ROBO1: variants seen among roughly 807,000 people sequenced by gnomAD.
The protein encoded by ROBO1 is roundabout guidance receptor 1, also known as roundabout homolog 1.
In ROBO1, 149 loss-of-function variants were observed where a neutral mutation model predicts 195.9. The ratio of observed to expected loss-of-function variants is 0.76; its 90% CI spans 0.67 to 0.87. The LOEUF (loss-of-function observed/expected upper bound fraction) is 0.87. ROBO1 is among the 40% of genes least tolerant of loss of function. ROBO1 has a pLI of 0.00. For synonymous variants in ROBO1, 816 were observed against 733.2 expected (o/e 1.11, Z -1.82); for missense variants, 1,933 against 2,068.3 (o/e 0.93, Z 1.27).
intron 3 of ROBO1, among the ~76,000 whole-genome samples, chr3:79,035,414 C>T (rs563566606): frequency 5.9e-5 from 9 of 152,156 alleles, no homozygotes; most frequent in Non-Finnish European, 8.8e-5. Flanking sequence ...GAATTATTGA[C>T]GATATCCATG....
intron 1 of ROBO1, among the ~76,000 whole-genome samples, chr3:79,618,761 G>A (rs753349632): frequency 2.7e-4 from 41 of 152,236 alleles, no homozygotes; most frequent in South Asian, 1.9e-3. Context: ...ATCCACCTAC[G>A]ACCTCGGGTC....
intron 1 of ROBO1, among the ~76,000 whole-genome samples, chr3:79,705,090 T>C (rs1947728490): frequency 6.6e-6 from 1 of 152,002 alleles, no homozygotes; most frequent in South Asian, 2.1e-4. Flanking sequence ...ATAATCCTTT[T>C]CAGATTTTTT....
chr3:79,195,029 A>G (rs1191960731), intron 2 of ROBO1, among the ~76,000 whole-genome samples: 1 of 151,634 alleles, frequency 6.6e-6, no homozygotes, highest in Non-Finnish European at 1.5e-5. Flanking sequence ...CTGTTAACAC[A>G]TCAAAACAGT....
At chr3:79,535,804 G>A (rs895817251) in intron 2 of ROBO1, among the ~76,000 whole-genome samples, 1 of 151,992 alleles carries the variant, frequency 6.6e-6, no homozygotes, top group Non-Finnish European at 1.5e-5. Context: ...CGAGACCAGA[G>A]AAGCAGTCAC....
At chr3:78,682,513 CTG>C (rs1339217255) in intron 10 of ROBO1, among the ~76,000 whole-genome samples, 3 of 141,840 alleles carry the variant, frequency 2.1e-5, no homozygotes, top group Admixed American at 7.1e-5. Flanking sequence ...GTATATATGA[CTG>C]TGTATATATG....
intron 2 of ROBO1, among the ~76,000 whole-genome samples, chr3:79,333,005 C>T (rs1159739396): frequency 6.6e-6 from 1 of 151,904 alleles, no homozygotes; most frequent in Non-Finnish European, 1.5e-5. Flanking sequence ...AGTTCGAGAC[C>T]AGCCCGACCA....
chr3:78,981,826 A>ACAC (rs1559556530), intron 3 of ROBO1, among the ~76,000 whole-genome samples: 20 of 135,536 alleles, frequency 1.5e-4, no homozygotes, highest in African/African-American at 4.1e-4. Context: ...CACACACACA[A>ACAC]AAACACACCC....
At chr3:79,715,722 C>T (rs894906319) in intron 1 of ROBO1, among the ~76,000 whole-genome samples, 3 of 151,848 alleles carry the variant, frequency 2.0e-5, no homozygotes, top group African/African-American at 4.8e-5. Context: ...TGCTATGTGC[C>T]GTGTATTTGT....
Position 78,665,718 on chromosome 3 carries a change from C to T in ROBO1, c.1966+2165G>A, listed in dbSNP as rs74870029. 7.9e-5 allele frequency among the ~76,000 whole-genome samples: 12 copies of T among 152,078 alleles called. No individual in the cohort carries two copies. The East Asian group carries it at 1.4e-3, about 17-fold the overall frequency. On this transcript the variant is annotated intron_variant, in intron 14 of 30. Coordinates refer to ENST00000464233, the MANE Select transcript of ROBO1 (RefSeq NM_002941.4). ...GGTTAATGTATTCTTTGTCCAATCC[C>T]GAGGAATGGGTATGTTTAGCCCCAT... is the stretch of plus-strand genomic sequence containing the variant.
intron 5 of ROBO1, among the ~76,000 whole-genome samples, chr3:78,724,433 C>G (rs1204690408): frequency 6.8e-6 from 1 of 147,226 alleles, no homozygotes; most frequent in Non-Finnish European, 1.5e-5. Flanking sequence ...CCCAGCACTT[C>G]GGGAGGCAGA....
In ROBO1 at chr3:79,538,697, T is replaced by G. The variant is rs111467232; in HGVS notation, c.88+51127A>C. Among the ~76,000 whole-genome samples, 906 of 152,296 alleles carry G rather than the reference T, an allele frequency of 5.9e-3. 10 individuals are homozygous for G. The highest frequency in any genetic ancestry group is 0.021 in the African/African-American group (860 of 41,568). Reference sequence around the variant, plus strand: ...ACTGGAGACATTTATATGATTGTTTTCTATATTTTCCTACTGCTGTTTGGT... The same window carrying G: ...ACTGGAGACATTTATATGATTGTTTGCTATATTTTCCTACTGCTGTTTGGT... On this transcript the variant is annotated intron_variant, in intron 2 of 30. Transcript: ENST00000464233.
intron 3 of ROBO1, among the ~76,000 whole-genome samples, chr3:79,027,066 C>A (rs1026696310): frequency 2.0e-5 from 3 of 151,966 alleles, no homozygotes; most frequent in Non-Finnish European, 2.9e-5. Context: ...ATCAGTTAGA[C>A]AAATTAGCTA....
chr3:79,449,385 G>A, intron 2 of ROBO1, among the ~76,000 whole-genome samples: 1 of 151,444 alleles, frequency 6.6e-6, no homozygotes, highest in East Asian at 1.9e-4. Flanking sequence ...AAATAATTTG[G>A]CAGAAGAACA....
At chr3:79,047,136 G>C (rs567880169) in intron 3 of ROBO1, among the ~76,000 whole-genome samples, 20 of 152,158 alleles carry the variant, frequency 1.3e-4, no homozygotes, top group African/African-American at 4.8e-4. Flanking sequence ...GCTGGTGAAG[G>C]CTCAGGAGGA....
At chr3:78,814,737 C>T (rs534295283) in intron 4 of ROBO1, among the ~76,000 whole-genome samples, 5 of 151,992 alleles carry the variant, frequency 3.3e-5, no homozygotes, top group South Asian at 2.1e-4. Flanking sequence ...TACCAATTCA[C>T]GGTTGGTTTA....
intron 2 of ROBO1, among the ~76,000 whole-genome samples, chr3:79,160,236 G>A (rs2080932969): frequency 6.8e-6 from 1 of 147,116 alleles, no homozygotes; most frequent in African/African-American, 2.5e-5. Flanking sequence ...TTAAAAAAAT[G>A]TGTGTGTGTG....
At chr3:79,761,556 T>C (rs1371232096) in intron 1 of ROBO1, among the ~76,000 whole-genome samples, 1 of 152,122 alleles carries the variant, frequency 6.6e-6, no homozygotes, top group East Asian at 1.9e-4. Flanking sequence ...GTCATAATAA[T>C]AAAAAGTCAG....
intron 2 of ROBO1, among the ~76,000 whole-genome samples, chr3:79,187,657 G>A (rs2081465357): frequency 6.6e-6 from 1 of 151,914 alleles, no homozygotes; most frequent in Non-Finnish European, 1.5e-5. Flanking sequence ...AGCTCACTCT[G>A]CCAGAATTTC....
At chr3:79,436,030 C>T (rs2038874588) in intron 2 of ROBO1, among the ~76,000 whole-genome samples, 1 of 151,950 alleles carries the variant, frequency 6.6e-6, no homozygotes, top group Non-Finnish European at 1.5e-5. Context: ...GAGATAAAAC[C>T]CTGTGTAACA....
Sources: gnomAD v4.1 joint callset for allele counts (sites outside exome capture counted in the v4.1 genomes callset) on GRCh38, gnomAD v4.1.1 for gene constraint, MANE v1.5 for transcripts, NCBI Gene and HGNC (gene_info 2026-07-23, HGNC 2026-07-21) for gene names.